The following EPB41L3 variants were observed in gnomAD, a reference collection of about 807,000 sequenced individuals.
The protein encoded by EPB41L3 is erythrocyte membrane protein band 4.1 like 3.
A neutral mutation model predicts 127.1 loss-of-function variants in EPB41L3; 57 were observed. The observed-to-expected ratio is 0.45, with a 90% CI of 0.36 to 0.56. The LOEUF (loss-of-function observed/expected upper bound fraction) is 0.56, where lower values mean the gene tolerates loss of function less well. Ranked by LOEUF, EPB41L3 falls within the 20% of genes least tolerant of loss-of-function variation. The probability of loss-of-function intolerance (pLI) is 0.00; values close to 1 mark genes in which losing one functional copy is unlikely to be tolerated. For missense variants in EPB41L3, 1,273 were observed against 1,372.2 expected (o/e 0.93, Z 1.14); for synonymous variants, 572 against 549.5 (o/e 1.04, Z -0.57).
intron 2 of EPB41L3, among the ~76,000 whole-genome samples, chr18:5,613,035 C>T (rs1030499145): frequency 1.3e-5 from 2 of 152,140 alleles, no homozygotes; most frequent in African/African-American, 2.4e-5. Flanking sequence ...CCACTGTGCC[C>T]AGCATGTTTC....
chr18:5,461,035 C>T (rs2083907518), intron 3 of EPB41L3, among the ~76,000 whole-genome samples: 1 of 151,904 alleles, frequency 6.6e-6, no homozygotes, highest in East Asian at 1.9e-4. Context: ...TTATTTTTTT[C>T]CCCCCTATCA....
chr18:5,488,974 G>T (rs1232067949), intron 2 of EPB41L3, 27 bp downstream of exon 2: 3 of 1,559,754 alleles, frequency 1.9e-6, no homozygotes, highest in African/African-American at 2.8e-5. Context: ...CAAACACTGC[G>T]TCATTAGTTT....
intron 2 of EPB41L3, among the ~76,000 whole-genome samples, chr18:5,486,890 C>T (rs959525550): frequency 5.9e-5 from 9 of 152,096 alleles, no homozygotes; most frequent in African/African-American, 2.2e-4. Context: ...AATGTAAATT[C>T]ATACAGCCAC....
At chr18:5,603,184 TA>T (rs1156821043) in intron 3 of EPB41L3, among the ~76,000 whole-genome samples, 2 of 152,102 alleles carry the variant, frequency 1.3e-5, no homozygotes, top group Non-Finnish European at 2.9e-5. Flanking sequence ...TAATTAAAGA[TA>T]AGGTAGAAAA....
intron 16 of EPB41L3, among the ~76,000 whole-genome samples, chr18:5,401,971 C>G (rs929793502): frequency 6.6e-6 from 1 of 152,054 alleles, no homozygotes; most frequent in Non-Finnish European, 1.5e-5. Context: ...CTTATCATTA[C>G]AAACAATGTA....
intron 2 of EPB41L3, among the ~76,000 whole-genome samples, chr18:5,484,144 G>GT (rs1350634919): frequency 2.1e-5 from 1 of 48,396 alleles, no homozygotes; most frequent in African/African-American, 6.0e-5. Flanking sequence ...ATCATATCAA[G>GT]TATCTTTCCT....
intron 3 of EPB41L3, among the ~76,000 whole-genome samples, chr18:5,474,794 T>C (rs894793523): frequency 3.3e-5 from 5 of 152,174 alleles, no homozygotes; most frequent in Non-Finnish European, 7.4e-5. Context: ...CTTCTGTCCA[T>C]GAGTGGTAGT....
At chr18:5,619,687 G>A (rs536167579) in intron 1 of EPB41L3, among the ~76,000 whole-genome samples, 3 of 152,294 alleles carry the variant, frequency 2.0e-5, no homozygotes, top group South Asian at 2.1e-4. Flanking sequence ...TGGAGGTCAA[G>A]AGAAAGTGTT....
intron 3 of EPB41L3, among the ~76,000 whole-genome samples, chr18:5,455,445 A>T (rs1030882167): frequency 6.6e-6 from 1 of 152,200 alleles, no homozygotes; most frequent in Non-Finnish European, 1.5e-5. Context: ...ATACTGGCAC[A>T]TTTTGGTATT....
chr18:5,524,922 A>C (rs2093162513), intron 1 of EPB41L3, among the ~76,000 whole-genome samples: 1 of 152,168 alleles, frequency 6.6e-6, no homozygotes, highest in African/African-American at 2.4e-5. Flanking sequence ...CAGTTCTCCA[A>C]AGCAAGTGGG....
intron 5 of EPB41L3, among the ~76,000 whole-genome samples, chr18:5,442,070 T>C (rs1406409060): frequency 6.6e-6 from 1 of 152,232 alleles, no homozygotes; most frequent in Admixed American, 6.5e-5. Flanking sequence ...ATTTTCAAAG[T>C]ACTTTGCAAT....
At chr18:5,582,363 A>G (rs948505082) in intron 3 of EPB41L3, among the ~76,000 whole-genome samples, 1 of 152,174 alleles carries the variant, frequency 6.6e-6, no homozygotes, top group African/African-American at 2.4e-5. Flanking sequence ...GGTAAAGGAA[A>G]GAAGATGGGG....
intron 3 of EPB41L3, among the ~76,000 whole-genome samples, chr18:5,566,614 T>G (rs1160931841): frequency 6.6e-6 from 1 of 152,056 alleles, no homozygotes; most frequent in Non-Finnish European, 1.5e-5. Flanking sequence ...AAAACTACTT[T>G]AAAGTTCATA....
intron 11 of EPB41L3, among the ~76,000 whole-genome samples, chr18:5,420,571 A>G (rs2077353258): frequency 6.6e-6 from 1 of 152,232 alleles, no homozygotes. Flanking sequence ...ATATACATTT[A>G]CTCATCTCTA....
rs1393833549 is a variant in EPB41L3 at position 5,434,050 on chromosome 18, G to A, written c.677C>T (p.Ala226Val). 1.9e-6 allele frequency: 3 copies of A among 1,614,008 alleles called. No homozygotes were observed. The highest frequency in any genetic ancestry group is 1.7e-5 in the Admixed American group (1 of 59,992). ...GRLPCSFVTL[A>V]LLGSYTVQSE... Reference sequence around the variant, plus strand: ...CTGGACAGTGTAGGAGCCCAGCAAGGCCAGGGTAACAAAGGAGCAGGGCAG... The same window carrying A: ...CTGGACAGTGTAGGAGCCCAGCAAGACCAGGGTAACAAAGGAGCAGGGCAG... The change falls in exon 7 of 23, where the codon GCC becomes GTC. Residue 226 changes from alanine to valine, a missense_variant. Ala to Val is a moderately conservative substitution (Grantham distance 64). Coordinates refer to ENST00000341928, the MANE Select transcript of EPB41L3 (RefSeq NM_012307.5).
intron 3 of EPB41L3, among the ~76,000 whole-genome samples, chr18:5,600,707 C>T (rs917452827): frequency 2.0e-5 from 3 of 152,092 alleles, no homozygotes; most frequent in Non-Finnish European, 2.9e-5. Context: ...ATCTACAGTA[C>T]CAACAAAACC....
intron 3 of EPB41L3, among the ~76,000 whole-genome samples, chr18:5,582,048 T>C (rs1825156282): frequency 6.6e-6 from 1 of 152,136 alleles, no homozygotes; most frequent in Non-Finnish European, 1.5e-5. Context: ...CACAAAAGGA[T>C]GAAAAGGAAC....
chr18:5,496,550 C>T (rs1446298982), intron 1 of EPB41L3, among the ~76,000 whole-genome samples: 2 of 152,212 alleles, frequency 1.3e-5, no homozygotes, highest in South Asian at 2.1e-4. Context: ...AGAACCAATT[C>T]AAATTCTGTT....
At chr18:5,582,225 A>G (rs977356298) in intron 3 of EPB41L3, among the ~76,000 whole-genome samples, 1 of 152,138 alleles carries the variant, frequency 6.6e-6, no homozygotes, top group Non-Finnish European at 1.5e-5. Flanking sequence ...TTTTGCTGGT[A>G]TATCTTGGGA....
Sources: allele counts gnomAD v4.1 joint callset (sites outside exome capture counted in the v4.1 genomes callset), GRCh38; gene constraint gnomAD v4.1.1; transcripts MANE v1.5; gene names NCBI Gene and HGNC (gene_info 2026-07-23, HGNC 2026-07-21).